TBC1D5: variants seen among roughly 807,000 people sequenced by gnomAD.
TBC1D5 encodes TBC1 domain family, member 5.
In TBC1D5, 75 loss-of-function variants were observed where a neutral mutation model predicts 100.3. That is an observed-to-expected ratio of 0.75 (90% confidence interval 0.62 to 0.91). TBC1D5 has a LOEUF of 0.91. TBC1D5 is among the 40% of genes least tolerant of loss of function. The pLI, the probability that TBC1D5 is intolerant of heterozygous loss-of-function variation, is 0.00. For synonymous variants in TBC1D5, 323 were observed against 325.6 expected, an observed-to-expected ratio of 0.99 and a Z score of 0.09; for missense variants, 910 against 942.4, an observed-to-expected ratio of 0.97 and a Z score of 0.45.
At chr3:17,163,338 C>T (rs34370386) in intron 21 of TBC1D5, among the ~76,000 whole-genome samples, 88 of 151,064 alleles carry the variant, frequency 5.8e-4, no homozygotes, top group Non-Finnish European at 7.8e-4. Context: ...GCCAATGTCA[C>T]AAGGCACAAC....
intron 9 of TBC1D5, 98 bp from the exon 10 acceptor site, chr3:17,376,711 A>C: frequency 1.1e-6 from 1 of 941,918 alleles, no homozygotes. Flanking sequence ...ACCAATTCCC[A>C]CTAGCAAAAT....
exon 21 of TBC1D5, chr3:17,166,866 G>A (rs774305543): frequency 2.7e-5 from 44 of 1,614,110 alleles, no homozygotes; most frequent in Middle Eastern, 3.3e-4. Flanking sequence ...TGATCTGTTC[G>A]TTCTCTTCGG....
intron 13 of TBC1D5, among the ~76,000 whole-genome samples, chr3:17,365,711 T>C (rs2092073226): frequency 6.6e-6 from 1 of 152,176 alleles, no homozygotes; most frequent in Admixed American, 6.5e-5. Context: ...CTAACAAGAC[T>C]CCTGATTCTG....
At position 17,258,504 on chromosome 3, in the gene TBC1D5, A is replaced by G; in HGVS notation, c.1331+2T>C. On this transcript the variant is annotated splice_donor_variant, in intron 16 of 21. Transcript: ENST00000253692. LOFTEE classifies it high-confidence loss of function. ...AACTATCATCAGAAAAAGGGGACTTACCGGCTTTTATTCATGAGGTCTGCT... is the reference window on the plus strand; with the variant it reads ...AACTATCATCAGAAAAAGGGGACTTGCCGGCTTTTATTCATGAGGTCTGCT... 6.2e-7 allele frequency: 1 copy of G among 1,610,166 alleles called. No homozygotes were observed. The highest frequency in any genetic ancestry group is 8.5e-7 in the Non-Finnish European group (1 of 1,178,372).
chr3:17,648,640 C>T (rs1027704661), intron 1 of TBC1D5, among the ~76,000 whole-genome samples: 1 of 152,060 alleles, frequency 6.6e-6, no homozygotes, highest in South Asian at 2.1e-4. Flanking sequence ...AAGAGAGAAA[C>T]AAACAACACC....
At chr3:17,455,328 A>G (rs1170866018) in intron 3 of TBC1D5, among the ~76,000 whole-genome samples, 2 of 144,580 alleles carry the variant, frequency 1.4e-5, no homozygotes, top group Non-Finnish European at 3.0e-5. Context: ...GTATATGTGT[A>G]TATATGTATA....
chr3:17,342,427 T>G (rs1350277377), intron 13 of TBC1D5, among the ~76,000 whole-genome samples: 1 of 152,210 alleles, frequency 6.6e-6, no homozygotes, highest in Non-Finnish European at 1.5e-5. Flanking sequence ...ATGCCTCTTA[T>G]TTACAGGGCT....
At chr3:17,461,686 G>C (rs1217853144) in intron 3 of TBC1D5, among the ~76,000 whole-genome samples, 1 of 151,932 alleles carries the variant, frequency 6.6e-6, no homozygotes, top group Non-Finnish European at 1.5e-5. Flanking sequence ...TGTTTTACCT[G>C]ATTACTAATT....
At chr3:17,413,077 T>C (rs1329747702) in intron 4 of TBC1D5, among the ~76,000 whole-genome samples, 1 of 152,156 alleles carries the variant, frequency 6.6e-6, no homozygotes, top group African/African-American at 2.4e-5. Context: ...ATGGAATGGA[T>C]TAGCCACCTG....
chr3:17,257,190 G>T (rs78238424), intron 16 of TBC1D5, among the ~76,000 whole-genome samples: 9,196 of 152,006 alleles, frequency 0.06, 494 homozygotes, highest in East Asian at 0.18. Context: ...GGGTTGGGAG[G>T]GAGGGGAAGA....
intron 1 of TBC1D5, among the ~76,000 whole-genome samples, chr3:17,716,340 A>G (rs534247998): frequency 3.3e-5 from 5 of 151,756 alleles, no homozygotes; most frequent in Non-Finnish European, 7.4e-5. Context: ...TCAGTCAATC[A>G]CTTATAATAA....
At chr3:17,368,025 G>A (rs6763681) in intron 13 of TBC1D5, among the ~76,000 whole-genome samples, 57,818 of 147,594 alleles carry the variant, frequency 0.39, 10,431 homozygotes, top group Middle Eastern at 0.44. Context: ...ATTTAATTGC[G>A]GATTTAATTT....
intron 2 of TBC1D5, among the ~76,000 whole-genome samples, chr3:17,612,028 C>G (rs1345693631): frequency 6.6e-6 from 1 of 152,072 alleles, no homozygotes; most frequent in African/African-American, 2.4e-5. Flanking sequence ...GAAGGCAGGG[C>G]ACAGTGGCTC....
At chr3:17,655,483 T>TA (rs1385128321) in intron 1 of TBC1D5, among the ~76,000 whole-genome samples, 2 of 151,718 alleles carry the variant, frequency 1.3e-5, no homozygotes, top group African/African-American at 4.8e-5. Context: ...TAAATTAAAT[T>TA]AAAAAATGAA....
intron 2 of TBC1D5, among the ~76,000 whole-genome samples, chr3:17,509,406 A>T (rs990168670): frequency 9.9e-5 from 15 of 151,974 alleles, no homozygotes; most frequent in Admixed American, 2.6e-4. Flanking sequence ...AATATATATT[A>T]AAAAAATAAG....
chr3:17,649,215 A>C (rs991170432), intron 1 of TBC1D5, among the ~76,000 whole-genome samples: 9 of 152,174 alleles, frequency 5.9e-5, no homozygotes, highest in African/African-American at 2.2e-4. Context: ...ATCCTTAGCA[A>C]ATTAACGCAC....
chr3:17,405,063 T>C, intron 5 of TBC1D5, 102 bp from the exon 6 acceptor site: 2 of 575,970 alleles, frequency 3.5e-6, no homozygotes, highest in Non-Finnish European at 6.0e-6. Context: ...ATAATAGTCA[T>C]GATATTTCAT....
At chr3:17,376,704 A>C in intron 9 of TBC1D5, 91 bp from the exon 10 acceptor site, 1 of 1,013,906 alleles carries the variant, frequency 9.9e-7, no homozygotes, top group Non-Finnish European at 1.4e-6. Flanking sequence ...TCTTCAAACC[A>C]ATTCCCACTA....
chr3:17,402,685 C>T (rs576113791), intron 8 of TBC1D5, among the ~76,000 whole-genome samples: 3 of 152,174 alleles, frequency 2.0e-5, no homozygotes, highest in African/African-American at 7.2e-5. Context: ...TGCTAAGTAA[C>T]AAATTACCCT....
Sources: gnomAD v4.1 joint callset for allele counts (sites outside exome capture counted in the v4.1 genomes callset) on GRCh38, gnomAD v4.1.1 for gene constraint, MANE v1.5 for transcripts, NCBI Gene and HGNC (gene_info 2026-07-23, HGNC 2026-07-21) for gene names.